Variants in ARID2 observed in about 807,000 individuals in gnomAD.
ARID2 encodes the protein AT-rich interactive domain-containing protein 2.
Under a neutral mutation model 184.6 loss-of-function variants are expected in ARID2, and 32 were observed. The observed-to-expected ratio is 0.17, with a 90% CI of 0.13 to 0.23. ARID2 has a LOEUF of 0.23. ARID2 is among the 10% of genes least tolerant of loss of function. The pLI is 1.00. For synonymous variants in ARID2, 836 were observed against 772.6 expected (o/e 1.08, Z -1.36); for missense variants, 1,696 against 2,197.6 (o/e 0.77, Z 4.56).
chr12:45,857,681 A>G (rs2138188648), intron 15 of ARID2, among the ~76,000 whole-genome samples: 1 of 152,240 alleles, frequency 6.6e-6, no homozygotes, highest in African/African-American at 2.4e-5. Context: ...TCTCTTTTCC[A>G]GTGATTTCTA....
At chr12:45,854,104 A>G (rs1336948351) in intron 15 of ARID2, among the ~76,000 whole-genome samples, 3 of 152,176 alleles carry the variant, frequency 2.0e-5, no homozygotes, top group Non-Finnish European at 4.4e-5. Context: ...TGAACTGTGC[A>G]TGCGAAGGAT....
chr12:45,794,328 G>T (rs183239515), intron 3 of ARID2, among the ~76,000 whole-genome samples: 2 of 152,140 alleles, frequency 1.3e-5, no homozygotes. Flanking sequence ...CAACCTCAGC[G>T]TATGATTTTT....
At position 45,867,539 on chromosome 12, in the gene ARID2, G is replaced by A. The variant is rs1048675469; in HGVS notation, c.4922+6590G>A. 5.3e-5 allele frequency among the ~76,000 whole-genome samples: 8 copies of A among 151,378 alleles called. No individual in the cohort carries two copies. In the South Asian group the frequency reaches 6.3e-4, roughly 12 times the overall value. ...GGGCTGATCGTGAGGTCAGGAGATC[G>A]AGACCATCCTGGCTAGCACAGTGAA... On this transcript the variant is annotated intron_variant, in intron 16 of 20. Transcript: ENST00000334344.
At chr12:45,887,694 A>T (rs1347803488) in intron 16 of ARID2, among the ~76,000 whole-genome samples, 1 of 152,204 alleles carries the variant, frequency 6.6e-6, no homozygotes, top group African/African-American at 2.4e-5. Context: ...CACCTCACAG[A>T]TTGAATCCCA....
chr12:45,883,289 G>C (rs1475226347), intron 16 of ARID2, among the ~76,000 whole-genome samples: 1 of 151,680 alleles, frequency 6.6e-6, no homozygotes, highest in Non-Finnish European at 1.5e-5. Flanking sequence ...TTTAAACATT[G>C]AATACCAAAG....
intron 3 of ARID2, among the ~76,000 whole-genome samples, chr12:45,762,915 A>G (rs575279134): frequency 6.6e-5 from 10 of 152,230 alleles, no homozygotes; most frequent in South Asian, 4.1e-4. Context: ...TTCTGGTTAC[A>G]GTATATTTAA....
intron 16 of ARID2, 100 bp from the exon 17 acceptor site, chr12:45,891,680 A>G: frequency 7.5e-7 from 1 of 1,328,328 alleles, no homozygotes; most frequent in Non-Finnish European, 1.0e-6. Flanking sequence ...GTTCAGTACA[A>G]CTGATGATTC....
At position 45,739,191 on chromosome 12, in the gene ARID2, G is replaced by C. The variant is rs761210661; in HGVS notation, c.284+7877G>C. Among the ~76,000 whole-genome samples, 7 of 151,778 alleles carry C rather than the reference G, an allele frequency of 4.6e-5. No homozygotes were observed. The South Asian group carries it at 6.2e-4, about 14-fold the overall frequency. ...ATGGGGTTTCACCATGTTGGCCAGG[G>C]TGGTCTCAAACTCCTGACCTCAGGT... On this transcript the variant is annotated intron_variant, in intron 3 of 20. Transcript: ENST00000334344.
At chr12:45,855,472 C>T (rs1943630491) in intron 15 of ARID2, among the ~76,000 whole-genome samples, 1 of 152,166 alleles carries the variant, frequency 6.6e-6, no homozygotes, top group Non-Finnish European at 1.5e-5. Context: ...AAACAGCATT[C>T]TTATATATAG....
chr12:45,817,175 T>C (rs1276734327), intron 4 of ARID2, among the ~76,000 whole-genome samples: 5 of 152,020 alleles, frequency 3.3e-5, no homozygotes, highest in Admixed American at 1.3e-4. Context: ...CCGGGCAACA[T>C]AGGGAGACCT....
At chr12:45,738,779 C>A in intron 3 of ARID2, among the ~76,000 whole-genome samples, 1 of 62,296 alleles carries the variant, frequency 1.6e-5, no homozygotes, top group East Asian at 1.1e-3. Flanking sequence ...ATATGGGCTA[C>A]TTTTTTTTTT....
At chr12:45,809,965 T>G (rs1420035125) in intron 3 of ARID2, among the ~76,000 whole-genome samples, 1 of 152,210 alleles carries the variant, frequency 6.6e-6, no homozygotes, top group Admixed American at 6.5e-5. Context: ...TGTTCATTGA[T>G]ACCCACCTCC....
chr12:45,739,821 A>G (rs568215178), intron 3 of ARID2, among the ~76,000 whole-genome samples: 11 of 152,316 alleles, frequency 7.2e-5, no homozygotes, highest in Admixed American at 4.6e-4. Flanking sequence ...ACATTCTTCT[A>G]TTACAATAGG....
chr12:45,756,871 C>A (rs1387708431), intron 3 of ARID2, among the ~76,000 whole-genome samples: 1 of 152,108 alleles, frequency 6.6e-6, no homozygotes, highest in African/African-American at 2.4e-5. Context: ...TGCACTCCAG[C>A]CTGGTCAACA....
chr12:45,868,578 A>G (rs904564707), intron 16 of ARID2, among the ~76,000 whole-genome samples: 3 of 152,246 alleles, frequency 2.0e-5, no homozygotes. Flanking sequence ...TTCAACTTTT[A>G]TATCATAAAA....
At chr12:45,853,869 A>C (rs375190161) in intron 15 of ARID2, among the ~76,000 whole-genome samples, 2 of 152,234 alleles carry the variant, frequency 1.3e-5, no homozygotes, top group Non-Finnish European at 2.9e-5. Context: ...ACAAGAACAA[A>C]GGGAAGAGCC....
chr12:45,855,868 G>A (rs1362597451), intron 15 of ARID2, among the ~76,000 whole-genome samples: 3 of 151,906 alleles, frequency 2.0e-5, no homozygotes, highest in Non-Finnish European at 4.4e-5. Flanking sequence ...GCACAGGCAT[G>A]TACTGCCATG....
intron 3 of ARID2, among the ~76,000 whole-genome samples, chr12:45,759,604 C>T (rs1022531334): frequency 4.6e-4 from 70 of 151,928 alleles, no homozygotes; most frequent in African/African-American, 1.5e-3. Flanking sequence ...CAGCTATGTC[C>T]GTTCGTTTTT....
chr12:45,787,224 T>C (rs1328299367), intron 3 of ARID2, among the ~76,000 whole-genome samples: 1 of 151,436 alleles, frequency 6.6e-6, no homozygotes, highest in Non-Finnish European at 1.5e-5. Context: ...TTTTCTTTTT[T>C]TTTTTTTTTT....
Sources: gnomAD v4.1 joint callset for allele counts (sites outside exome capture counted in the v4.1 genomes callset) on GRCh38, gnomAD v4.1.1 for gene constraint, MANE v1.5 for transcripts, NCBI Gene and HGNC (gene_info 2026-07-23, HGNC 2026-07-21) for gene names.